Variants in CSMD1 observed in about 807,000 individuals in gnomAD.
The protein encoded by CSMD1 is CUB and Sushi multiple domains 1, also known as CUB and sushi domain-containing protein 1.
In CSMD1, 213 loss-of-function variants were observed where a neutral mutation model predicts 417.5. The observed-to-expected ratio is 0.51, with a 90% CI of 0.46 to 0.57. The LOEUF is 0.57. Ranked by LOEUF, CSMD1 falls within the 20% of genes least tolerant of loss-of-function variation. The probability of loss-of-function intolerance (pLI) is 0.00; values close to 1 mark genes in which losing one functional copy is unlikely to be tolerated. For missense variants in CSMD1, 6,923 were observed against 4,529.7 expected (o/e 1.53, Z -15.17); for synonymous variants, 2,862 against 1,736.8 (o/e 1.65, Z -16.11).
intron 3 of CSMD1, among the ~76,000 whole-genome samples, chr8:4,386,729 G>T (rs936846803): frequency 6.6e-6 from 1 of 152,204 alleles, no homozygotes; most frequent in Non-Finnish European, 1.5e-5. Context: ...ATAGCTGGCA[G>T]AGAAGTGCTA....
At chr8:3,728,080 C>T (rs1453090870) in intron 6 of CSMD1, among the ~76,000 whole-genome samples, 1 of 152,118 alleles carries the variant, frequency 6.6e-6, no homozygotes, top group Non-Finnish European at 1.5e-5. Flanking sequence ...AGTGTCCGCA[C>T]CCAAATCTCA....
At chr8:4,180,052 A>C (rs1402152563) in intron 3 of CSMD1, among the ~76,000 whole-genome samples, 1 of 152,110 alleles carries the variant, frequency 6.6e-6, no homozygotes, top group East Asian at 1.9e-4. Flanking sequence ...TGGAAATACC[A>C]TTTGACCCAG....
At chr8:4,642,783 A>C (rs1265231629) in intron 1 of CSMD1, among the ~76,000 whole-genome samples, 1 of 152,210 alleles carries the variant, frequency 6.6e-6, no homozygotes, top group African/African-American at 2.4e-5. Flanking sequence ...ATGATGAGGG[A>C]ATGGTTTTGC....
chr8:2,994,862 G>C (rs557705947), intron 54 of CSMD1, among the ~76,000 whole-genome samples: 1 of 151,784 alleles, frequency 6.6e-6, no homozygotes, highest in African/African-American at 2.4e-5. Flanking sequence ...ATATCCATAG[G>C]TTAAAAAAAG....
intron 10 of CSMD1, among the ~76,000 whole-genome samples, chr8:3,531,960 T>G (rs1270331076): frequency 6.6e-6 from 1 of 152,024 alleles, no homozygotes; most frequent in Admixed American, 6.5e-5. Flanking sequence ...ACCTGCAAAA[T>G]AAAAGACTGG....
At chr8:4,446,396 A>G (rs959750300) in intron 2 of CSMD1, among the ~76,000 whole-genome samples, 5 of 152,014 alleles carry the variant, frequency 3.3e-5, no homozygotes, top group South Asian at 2.1e-4. Flanking sequence ...AAAACAAACA[A>G]AAGTAGCCAT....
intron 5 of CSMD1, among the ~76,000 whole-genome samples, chr8:3,796,763 A>C (rs747400314): frequency 6.6e-6 from 1 of 151,254 alleles, no homozygotes; most frequent in Non-Finnish European, 1.5e-5. Flanking sequence ...TATACAAAAT[A>C]TTCTGATCAT....
chr8:4,216,509 A>T (rs1800679861), intron 3 of CSMD1, among the ~76,000 whole-genome samples: 1 of 152,224 alleles, frequency 6.6e-6, no homozygotes. Flanking sequence ...GTGCTTATTC[A>T]GTACCCCCAC....
At chr8:4,013,922 A>G (rs1796398141) in intron 4 of CSMD1, among the ~76,000 whole-genome samples, 1 of 152,186 alleles carries the variant, frequency 6.6e-6, no homozygotes, top group African/African-American at 2.4e-5. Context: ...TTGACAAAAA[A>G]TGTTTACCAG....
rs147248259 is a variant in CSMD1, at chr8:3,986,377, C to G, written c.818+11526G>C. Among the ~76,000 whole-genome samples, 126 of 152,258 alleles carry G rather than the reference C, an allele frequency of 8.3e-4. 1 individual carries two copies. Among genetic ancestry groups the G allele is most frequent in the African/African-American group, 2.9e-3 (120 of 41,544 alleles). ...GAGCACTGAGACACCCCCAGCCAAC[C>G]TTCCTAACCACAGGCCCTGGACATT... On this transcript the variant is annotated intron_variant, in intron 5 of 69. Coordinates refer to ENST00000635120, the MANE Select transcript of CSMD1 (RefSeq NM_033225.6).
chr8:4,694,224 G>GACTAATCA (rs1396297306), intron 1 of CSMD1, among the ~76,000 whole-genome samples: 1 of 152,296 alleles, frequency 6.6e-6, no homozygotes, highest in East Asian at 1.9e-4. Context: ...CCTTTGAAAA[G>GACTAATCA]ACTAATCAGA....
chr8:3,225,437 C>T (rs913161797), intron 27 of CSMD1, among the ~76,000 whole-genome samples: 22 of 151,436 alleles, frequency 1.5e-4, no homozygotes, highest in African/African-American at 4.9e-4. Flanking sequence ...GCAATTGTCC[C>T]AACAGCTCTC....
chr8:4,873,849 G>A (rs371792393), intron 1 of CSMD1, among the ~76,000 whole-genome samples: 3 of 152,084 alleles, frequency 2.0e-5, no homozygotes, highest in East Asian at 3.8e-4. Flanking sequence ...CTATATAAAG[G>A]TGATTAGATG....
intron 1 of CSMD1, among the ~76,000 whole-genome samples, chr8:4,906,610 G>C (rs868649564): frequency 6.6e-6 from 1 of 152,026 alleles, no homozygotes; most frequent in Non-Finnish European, 1.5e-5. Context: ...CCAGGTTGAA[G>C]TGCAGTGGCA....
chr8:4,596,833 G>A (rs569481287), intron 2 of CSMD1, among the ~76,000 whole-genome samples: 1 of 152,288 alleles, frequency 6.6e-6, no homozygotes, highest in South Asian at 2.1e-4. Context: ...GAGGGACCCA[G>A]GGGGAGGTAA....
chr8:4,253,789 G>A (rs1014780420), intron 3 of CSMD1, among the ~76,000 whole-genome samples: 5 of 150,110 alleles, frequency 3.3e-5, no homozygotes, highest in Admixed American at 2.7e-4. Context: ...AATTTTGCCT[G>A]TATTTATGTG....
intron 3 of CSMD1, among the ~76,000 whole-genome samples, chr8:4,257,660 T>G (rs528284432): frequency 6.6e-6 from 1 of 152,210 alleles, no homozygotes; most frequent in African/African-American, 2.4e-5. Flanking sequence ...GGTTACAGCA[T>G]AGGTCTCAGG....
At chr8:4,070,884 T>C (rs554221261) in intron 3 of CSMD1, among the ~76,000 whole-genome samples, 92 of 152,236 alleles carry the variant, frequency 6.0e-4, no homozygotes, top group Non-Finnish European at 1.1e-3. Context: ...TTGCTTTGTT[T>C]ACTTTCTTTT....
intron 5 of CSMD1, among the ~76,000 whole-genome samples, chr8:3,900,653 G>C (rs1807685485): frequency 6.6e-6 from 1 of 152,078 alleles, no homozygotes; most frequent in African/African-American, 2.4e-5. Flanking sequence ...TGACACTGTA[G>C]CTGAGTGACA....
Sources: gnomAD v4.1 joint callset for allele counts (sites outside exome capture counted in the v4.1 genomes callset) on GRCh38, gnomAD v4.1.1 for gene constraint, MANE v1.5 for transcripts, NCBI Gene and HGNC (gene_info 2026-07-23, HGNC 2026-07-21) for gene names.